The following GNL2 variants were observed in gnomAD, a reference collection of about 807,000 sequenced individuals.
GNL2 encodes the protein G protein nucleolar 2.
In GNL2, 51 loss-of-function variants were observed where a neutral mutation model predicts 92.3. The ratio of observed to expected loss-of-function variants is 0.55; its 90% confidence interval spans 0.44 to 0.70. The LOEUF (loss-of-function observed/expected upper bound fraction) is 0.70, where lower values mean the gene tolerates loss of function less well. GNL2 is among the 30% of genes least tolerant of loss of function. The pLI is 0.00. For missense variants in GNL2, 844 were observed against 895.6 expected, an observed-to-expected ratio of 0.94 and a Z score of 0.74; for synonymous variants, 283 against 300.6, an observed-to-expected ratio of 0.94 and a Z score of 0.61.
chr1:37,590,128 C>T (rs1229353928), intron 4 of GNL2, among the ~76,000 whole-genome samples: 2 of 152,054 alleles, frequency 1.3e-5, no homozygotes, highest in African/African-American at 2.4e-5. Flanking sequence ...TTTTTTTAGA[C>T]GGAGTTTCGC....
intron 12 of GNL2, among the ~76,000 whole-genome samples, chr1:37,571,854 G>A (rs1643598861): frequency 6.6e-6 from 1 of 152,144 alleles, no homozygotes. Flanking sequence ...TCCCAAGACA[G>A]CAGTGATACG....
chr1:37,581,638 T>A (rs1557641600), intron 8 of GNL2: 1 of 392,920 alleles, frequency 2.5e-6, no homozygotes, highest in East Asian at 7.3e-5. Context: ...TGATGCTCTG[T>A]GAGTTTTTAC....
At chr1:37,582,993 C>T (rs1366310522) in intron 6 of GNL2, 57 bp from the exon 7 acceptor site, 2 of 1,142,642 alleles carry the variant, frequency 1.8e-6, no homozygotes, top group Non-Finnish European at 2.5e-6. Context: ...AGAGGGATGA[C>T]ATTTAAGGGA....
At position 37,582,694 on chromosome 1, in the gene GNL2, GACA is replaced by G. The variant is rs1462540286; in HGVS notation, c.795+81_795+83del. 7.2e-5 allele frequency: 81 copies of G among 1,126,014 alleles called. 2 individuals carry two copies. Among genetic ancestry groups the G allele is most frequent in the Admixed American group, 8.4e-5 (4 of 47,566 alleles). The allele number at this position is 1,126,014 out of a possible 1,614,324, so 69.8% of individuals were successfully genotyped here. ...ACTCCCATTACTACAATCTCAGCCG[GACA>G]ACACTTTAGCCTAAAAGCCCTACAA... On this transcript the variant is annotated intron_variant, in intron 7 of 15. Coordinates refer to ENST00000373062, the MANE Select transcript of GNL2 (RefSeq NM_013285.3).
intron 9 of GNL2, 128 bp downstream of exon 9, chr1:37,576,300 T>C (rs1643676059): frequency 9.9e-6 from 8 of 809,604 alleles, no homozygotes; most frequent in Admixed American, 2.3e-5. Context: ...CAAACTATTA[T>C]ATGGTGAGCT....
intron 8 of GNL2, chr1:37,581,353 C>A (rs1643763304): frequency 2.2e-6 from 1 of 455,936 alleles, no homozygotes. Flanking sequence ...GAACATGAAG[C>A]TTTAAGAATT....
At chr1:37,586,262 G>A (rs1396674954) in intron 5 of GNL2, among the ~76,000 whole-genome samples, 1 of 152,110 alleles carries the variant, frequency 6.6e-6, no homozygotes, top group Admixed American at 6.6e-5. Flanking sequence ...GAGTAGCTGG[G>A]ACTCTATGCC....
rs1570063912 is a variant in GNL2, at chr1:37,582,826, G to GT, written c.746dup (p.His249GlnfsTer7). ...CACATTTGTTAAGTACAAAAATGAG[G>GT]TGTTTCCAAGGTTTTTCCTTCTTCA... On this transcript the variant is annotated frameshift_variant, in exon 7 of 16. Transcript: ENST00000373062. LOFTEE classifies it high-confidence loss of function. 1 of 1,613,772 alleles carries GT rather than the reference G, an allele frequency of 6.2e-7. No individual in the cohort carries two copies. The highest frequency in any genetic ancestry group is 8.5e-7 in the Non-Finnish European group (1 of 1,179,796).
intron 8 of GNL2, among the ~76,000 whole-genome samples, chr1:37,578,529 A>T (rs994551995): frequency 6.6e-6 from 1 of 152,010 alleles, no homozygotes; most frequent in African/African-American, 2.4e-5. Flanking sequence ...TCCATGGAGA[A>T]AAAAAAGAAC....
chr1:37,578,571 T>G (rs1425122390), intron 8 of GNL2, among the ~76,000 whole-genome samples: 1 of 152,116 alleles, frequency 6.6e-6, no homozygotes, highest in African/African-American at 2.4e-5. Flanking sequence ...ACTCTTTTTT[T>G]TTTTGAAACA....
chr1:37,566,940 A>G lies in GNL2; in HGVS notation c.2111T>C (p.Val704Ala). The change falls in exon 16 of 16, where the codon GTG (valine) becomes GCG (alanine). Residue 704 changes from valine to alanine, a missense_variant. Val to Ala is a moderately conservative substitution (Grantham distance 64). Coordinates refer to ENST00000373062, the MANE Select transcript of GNL2 (RefSeq NM_013285.3). Reference protein sequence around the residue: ...VGVRYYETHNVKNRNRNKKKT... With the variant: ...VGVRYYETHNAKNRNRNKKKT... ...CTTTTTGTTCCTGTTCCTATTTTTC[A>G]CGTTGTGTGTTTCATAGTAGCGCAC... The G allele has an allele frequency of 6.2e-7, 1 of 1,613,684 alleles. No homozygotes were observed. Among genetic ancestry groups the G allele is most frequent in the South Asian group, 1.1e-5 (1 of 91,058 alleles).
chr1:37,593,750 C>G lies in GNL2; in HGVS notation c.149+12G>C, dbSNP rs1272260232. 1 of 1,595,466 alleles carries G rather than the reference C, an allele frequency of 6.3e-7. No homozygotes were observed. Among genetic ancestry groups the G allele is most frequent in the African/African-American group, 1.3e-5 (1 of 74,516 alleles). On this transcript the variant is annotated intron_variant, in intron 2 of 15. Transcript: ENST00000373062. Reference sequence around the variant, plus strand: ...AAGGAAAAGAGAAAGGATGACAGCACCCAGTGCTCACCTGCGCTCCTTTTG... The same window carrying G: ...AAGGAAAAGAGAAAGGATGACAGCAGCCAGTGCTCACCTGCGCTCCTTTTG...
chr1:37,581,408 C>T (rs1487487294), intron 8 of GNL2: 1 of 456,052 alleles, frequency 2.2e-6, no homozygotes, highest in African/African-American at 2.0e-5. Flanking sequence ...GAGCTGACGT[C>T]TGACCAGGGA....
intron 13 of GNL2, 171 bp from the exon 14 acceptor site, chr1:37,568,528 A>AC (rs1643543553): frequency 6.6e-6 from 4 of 609,526 alleles, no homozygotes; most frequent in Non-Finnish European, 1.2e-5. Flanking sequence ...GGGTGTTTCT[A>AC]AAGCTTCTCA....
At chr1:37,582,170 TA>T (rs1643780521) in intron 8 of GNL2, 52 bp downstream of exon 8, 1 of 1,216,732 alleles carries the variant, frequency 8.2e-7, no homozygotes, top group Non-Finnish European at 1.2e-6. Flanking sequence ...GACAGATTCT[TA>T]TACCAACTCA....
chr1:37,582,723 C>A (rs1643790849), intron 7 of GNL2, 55 bp downstream of exon 7: 1 of 1,406,862 alleles, frequency 7.1e-7, no homozygotes, highest in South Asian at 1.2e-5. Context: ...AGCCCTACAA[C>A]TGACTTACTA....
chr1:37,586,988 C>T (rs1226944673), intron 5 of GNL2, among the ~76,000 whole-genome samples: 4 of 152,074 alleles, frequency 2.6e-5, no homozygotes, highest in African/African-American at 4.8e-5. Context: ...GTACCTCGAC[C>T]GGGTGCAGTG....
rs1173037996 is a variant in GNL2 at position 37,584,459 on chromosome 1, A to AT, written c.570-527dup. On this transcript the variant is annotated intron_variant, in intron 5 of 15. Transcript: ENST00000373062. ...AAGACCCTGTCTCAAAAAATAATTA[A>AT]TTAAAAAAAAAAAAAAAAGAAGAAG... Among the ~76,000 whole-genome samples, 275 of 88,554 alleles carry AT rather than the reference A, an allele frequency of 3.1e-3. 2 individuals carry two copies. Among genetic ancestry groups the AT allele is most frequent in the Non-Finnish European group, 4.2e-3 (146 of 34,710 alleles). The allele number at this position is 88,554 out of a possible 152,430, so 58.1% of individuals were successfully genotyped here. A position where few individuals can be genotyped will look rare whatever the true frequency, so the allele number is the denominator to read the frequency against.
chr1:37,590,442 T>C (rs773535550), intron 4 of GNL2, among the ~76,000 whole-genome samples: 3 of 152,156 alleles, frequency 2.0e-5, no homozygotes, highest in South Asian at 2.1e-4. Context: ...TTAAAGTTCA[T>C]GGAGAAACCC....
Sources: gnomAD v4.1 joint callset for allele counts (sites outside exome capture counted in the v4.1 genomes callset) on GRCh38, gnomAD v4.1.1 for gene constraint, MANE v1.5 for transcripts, NCBI Gene and HGNC (gene_info 2026-07-23, HGNC 2026-07-21) for gene names.